ENOX1: variants seen among roughly 807,000 people sequenced by gnomAD.
ENOX1 encodes ecto-NOX disulfide-thiol exchanger 1.
ENOX1 carries 42 observed loss-of-function variants against 82.5 expected under a neutral mutation model. The observed-to-expected ratio is 0.51, with a 90% CI of 0.40 to 0.66. The LOEUF is 0.66. Among genes scored for constraint, ENOX1 ranks in the 30% least tolerant of loss-of-function variants. ENOX1 has a pLI of 0.00. For missense variants in ENOX1, 608 were observed against 811.6 expected (o/e 0.75, Z 3.05); for synonymous variants, 271 against 282.2 (o/e 0.96, Z 0.40).
intron 2 of ENOX1, among the ~76,000 whole-genome samples, chr13:43,654,311 A>G (rs1249275333): frequency 6.6e-6 from 1 of 152,204 alleles, no homozygotes; most frequent in Non-Finnish European, 1.5e-5. Flanking sequence ...ACTCAAGGCT[A>G]TAACATCAAC....
chr13:43,754,074 A>T, intron 1 of ENOX1, among the ~76,000 whole-genome samples: 1 of 142,984 alleles, frequency 7.0e-6, no homozygotes, highest in African/African-American at 2.6e-5. Flanking sequence ...ATACGTATAT[A>T]AATACACATA....
intron 4 of ENOX1, 139 bp downstream of exon 4, chr13:43,412,706 T>C (rs1443561794): frequency 1.1e-6 from 1 of 878,104 alleles, no homozygotes; most frequent in African/African-American, 1.7e-5. Context: ...TGCTCTTTCA[T>C]TTTCACTAGT....
intron 3 of ENOX1, chr13:43,458,610 AT>A (rs2153635971): frequency 6.6e-6 from 1 of 152,312 alleles, no homozygotes; most frequent in South Asian, 2.1e-4. Flanking sequence ...CTACTTTTAT[AT>A]AAGTAGGGGA....
At chr13:43,539,641 T>G (rs1198021702) in intron 2 of ENOX1, among the ~76,000 whole-genome samples, 3 of 152,184 alleles carry the variant, frequency 2.0e-5, no homozygotes, top group Non-Finnish European at 4.4e-5. Context: ...TAGAAAAAAA[T>G]GATTTTCTGC....
At chr13:43,298,269 C>T in intron 12 of ENOX1, 77 bp downstream of exon 12, 1 of 1,435,274 alleles carries the variant, frequency 7.0e-7, no homozygotes, top group Non-Finnish European at 9.3e-7. Flanking sequence ...CTTTCCAGCA[C>T]ACGGCTGCCT....
intron 12 of ENOX1, among the ~76,000 whole-genome samples, chr13:43,277,567 G>C (rs2045125680): frequency 6.6e-6 from 1 of 152,192 alleles, no homozygotes; most frequent in Non-Finnish European, 1.5e-5. Context: ...GCTGCACCCT[G>C]ACCTGGCAAG....
At chr13:43,471,809 C>CAAAAAAAAAA (rs5803181) in intron 3 of ENOX1, among the ~76,000 whole-genome samples, 1 of 124,540 alleles carries the variant, frequency 8.0e-6, no homozygotes, top group Non-Finnish European at 1.6e-5. Flanking sequence ...GACTCCGTCT[C>CAAAAAAAAAA]AAAAAAAAAA....
intron 1 of ENOX1, among the ~76,000 whole-genome samples, chr13:43,757,524 C>G (rs1375089047): frequency 6.6e-6 from 1 of 152,186 alleles, no homozygotes; most frequent in African/African-American, 2.4e-5. Context: ...ACACCCTCAA[C>G]CAGCCGGCTC....
intron 2 of ENOX1, among the ~76,000 whole-genome samples, chr13:43,608,859 G>A (rs770649447): frequency 1.3e-5 from 2 of 152,192 alleles, no homozygotes; most frequent in Non-Finnish European, 2.9e-5. Flanking sequence ...ACCCTGCAGA[G>A]TGTCCAGGTC....
chr13:43,573,400 T>C (rs1415829335), intron 2 of ENOX1, among the ~76,000 whole-genome samples: 2 of 152,218 alleles, frequency 1.3e-5, no homozygotes, highest in African/African-American at 2.4e-5. Flanking sequence ...GAGTTATTTG[T>C]CTGTACCATG....
chr13:43,230,976 T>C (rs1412832268), intron 15 of ENOX1, among the ~76,000 whole-genome samples: 2 of 152,204 alleles, frequency 1.3e-5, no homozygotes. Flanking sequence ...CCAAACTCTC[T>C]GTGTCAGGTT....
At chr13:43,224,303 T>C (rs1438212815) in intron 15 of ENOX1, among the ~76,000 whole-genome samples, 165 bp from the exon 16 acceptor site, 2 of 152,194 alleles carry the variant, frequency 1.3e-5, no homozygotes, top group Non-Finnish European at 1.5e-5. Flanking sequence ...CTGAAGGCAG[T>C]AAGAGTAACA....
At chr13:43,351,826 T>C (rs1040150419) in intron 8 of ENOX1, among the ~76,000 whole-genome samples, 4 of 151,834 alleles carry the variant, frequency 2.6e-5, no homozygotes, top group Non-Finnish European at 4.4e-5. Context: ...CAGTCTATCA[T>C]TGTTGGACAT....
intron 1 of ENOX1, among the ~76,000 whole-genome samples, chr13:43,706,241 G>T (rs1442964451): frequency 6.6e-5 from 10 of 151,806 alleles, no homozygotes; most frequent in Admixed American, 3.9e-4. Flanking sequence ...AGAAGCTACA[G>T]ATAGAATAAA....
intron 1 of ENOX1, among the ~76,000 whole-genome samples, chr13:43,736,544 T>C (rs1594625946): frequency 6.6e-6 from 1 of 152,202 alleles, no homozygotes; most frequent in South Asian, 2.1e-4. Flanking sequence ...GGTCATAAGA[T>C]AGGATCCTGT....
At chr13:43,285,725 G>A (rs1190846896) in intron 12 of ENOX1, among the ~76,000 whole-genome samples, 1 of 147,356 alleles carries the variant, frequency 6.8e-6, no homozygotes, top group Non-Finnish European at 1.5e-5. Context: ...GAATAGAATA[G>A]CTTGGACCTG....
chr13:43,580,321 GT>G (rs1011754462), intron 2 of ENOX1, among the ~76,000 whole-genome samples: 1 of 152,162 alleles, frequency 6.6e-6, no homozygotes, highest in Non-Finnish European at 1.5e-5. Flanking sequence ...GCCATTTGGG[GT>G]TTTTTTGTAA....
chr13:43,299,377 G>A (rs1466228647), intron 11 of ENOX1, among the ~76,000 whole-genome samples: 5 of 151,998 alleles, frequency 3.3e-5, no homozygotes, highest in Non-Finnish European at 7.4e-5. Context: ...GGGTCTCTCC[G>A]AAAATCAACA....
intron 3 of ENOX1, among the ~76,000 whole-genome samples, chr13:43,438,495 G>A (rs2056166412): frequency 6.6e-6 from 1 of 152,230 alleles, no homozygotes; most frequent in African/African-American, 2.4e-5. Context: ...CAAAGGAATT[G>A]TTGGATAAAA....
Sources: gnomAD v4.1 joint callset for allele counts (sites outside exome capture counted in the v4.1 genomes callset) on GRCh38, gnomAD v4.1.1 for gene constraint, MANE v1.5 for transcripts, NCBI Gene and HGNC (gene_info 2026-07-23, HGNC 2026-07-21) for gene names.